Variants in IQCJ observed in about 807,000 individuals in gnomAD.
IQCJ encodes the protein IQ motif containing J, also known as IQ domain-containing protein J.
Under a neutral mutation model 11.0 loss-of-function variants are expected in IQCJ, and 9 were observed. The ratio of observed to expected loss-of-function variants is 0.82; its 90% confidence interval spans 0.49 to 1.43. The LOEUF (loss-of-function observed/expected upper bound fraction) is 1.43. Among genes scored for constraint, IQCJ ranks in the 40% most tolerant of loss-of-function variants. The probability of loss-of-function intolerance (pLI) is 0.00; values close to 1 mark genes in which losing one functional copy is unlikely to be tolerated. For synonymous variants in IQCJ, 55 were observed against 51.3 expected (o/e 1.07, Z -0.31); for missense variants, 146 against 133.2 (o/e 1.10, Z -0.47).
At chr3:159,215,100 G>A (rs1725154933) in intron 1 of IQCJ, among the ~76,000 whole-genome samples, 8 of 152,114 alleles carry the variant, frequency 5.3e-5, no homozygotes, top group Admixed American at 5.2e-4. Context: ...TACACTACTT[G>A]GGAGCCTTCA....
chr3:159,154,974 G>A lies in IQCJ; in HGVS notation c.9+85533G>A, dbSNP rs140226979. Among the ~76,000 whole-genome samples the A allele has an allele frequency of 3.2e-3, 488 of 150,932 alleles. 8 individuals carry two copies. The highest frequency in any genetic ancestry group is 0.01 in the African/African-American group (430 of 41,020). On this transcript the variant is annotated intron_variant, in intron 1 of 3. Transcript: ENST00000397832. ...CTTCACATTTGTATTTCCCACCCCC[G>A]CTTTCATCCTCTCCATCCTTCGCCA... is the stretch of plus-strand genomic sequence containing the variant.
At chr3:159,244,897 G>A (rs1204565325) in intron 1 of IQCJ, among the ~76,000 whole-genome samples, 1 of 152,146 alleles carries the variant, frequency 6.6e-6, no homozygotes, top group Non-Finnish European at 1.5e-5. Flanking sequence ...CTGGTGGGGG[G>A]TAAGTGGTGT....
intron 1 of IQCJ, among the ~76,000 whole-genome samples, chr3:159,238,260 C>T (rs1286889047): frequency 2.0e-5 from 3 of 152,148 alleles, no homozygotes; most frequent in African/African-American, 7.2e-5. Flanking sequence ...CTGCTACCCT[C>T]TGGGCTCATG....
chr3:159,179,479 C>T (rs954505560), intron 1 of IQCJ, among the ~76,000 whole-genome samples: 2 of 152,116 alleles, frequency 1.3e-5, no homozygotes, highest in African/African-American at 2.4e-5. Context: ...ATCTTACCAA[C>T]ATAAGTAGTA....
At chr3:159,129,619 A>G (rs977612626) in intron 1 of IQCJ, among the ~76,000 whole-genome samples, 2 of 152,200 alleles carry the variant, frequency 1.3e-5, no homozygotes, top group Admixed American at 6.5e-5. Context: ...AATGAGAACT[A>G]AAGGGAAATC....
At chr3:159,119,769 C>A (rs565415496) in intron 1 of IQCJ, among the ~76,000 whole-genome samples, 3 of 152,122 alleles carry the variant, frequency 2.0e-5, no homozygotes, top group Non-Finnish European at 4.4e-5. Context: ...CAATACTGAG[C>A]CTCTCCTTTC....
intron 1 of IQCJ, among the ~76,000 whole-genome samples, chr3:159,086,395 T>C (rs1451202604): frequency 6.6e-6 from 1 of 152,208 alleles, no homozygotes; most frequent in African/African-American, 2.4e-5. Context: ...GACTTGGCGA[T>C]GCGTGCTCTT....
At chr3:159,123,251 C>A (rs1719483126) in intron 1 of IQCJ, among the ~76,000 whole-genome samples, 1 of 152,054 alleles carries the variant, frequency 6.6e-6, no homozygotes, top group Non-Finnish European at 1.5e-5. Flanking sequence ...AAAATAACCA[C>A]CTAAAGTCAG....
chr3:159,245,041 C>A (rs2595233), intron 1 of IQCJ, among the ~76,000 whole-genome samples: 115,618 of 152,014 alleles, frequency 0.76, 45,135 homozygotes, highest in African/African-American at 0.92. Flanking sequence ...AGCTGGGCCA[C>A]ATCCTGTCAC....
chr3:159,183,441 G>A (rs1356738809), intron 1 of IQCJ, among the ~76,000 whole-genome samples: 1 of 151,896 alleles, frequency 6.6e-6, no homozygotes, highest in Admixed American at 6.6e-5. Flanking sequence ...GCTCCTTTCT[G>A]TCTATGTGAT....
intron 1 of IQCJ, among the ~76,000 whole-genome samples, chr3:159,116,820 A>G (rs1210630970): frequency 6.6e-6 from 1 of 151,628 alleles, no homozygotes; most frequent in Non-Finnish European, 1.5e-5. Flanking sequence ...CACAAGCACA[A>G]CACTTGGAAA....
chr3:159,187,952 A>G (rs754404738), intron 1 of IQCJ, among the ~76,000 whole-genome samples: 1 of 152,192 alleles, frequency 6.6e-6, no homozygotes, highest in Non-Finnish European at 1.5e-5. Context: ...GCTTAAGCCA[A>G]TGAGAACTCT....
At chr3:159,181,925 C>T (rs1723111649) in intron 1 of IQCJ, among the ~76,000 whole-genome samples, 1 of 151,696 alleles carries the variant, frequency 6.6e-6, no homozygotes, top group Admixed American at 6.6e-5. Context: ...TCAATCATGC[C>T]ATTCCCCTCT....
chr3:159,169,440 C>A (rs1010084066), intron 1 of IQCJ, among the ~76,000 whole-genome samples: 5 of 151,730 alleles, frequency 3.3e-5, no homozygotes, highest in African/African-American at 1.2e-4. Flanking sequence ...CACATGCCAC[C>A]ACACCCAGCT....
intron 1 of IQCJ, among the ~76,000 whole-genome samples, chr3:159,091,039 G>A (rs1285271017): frequency 1.3e-5 from 2 of 151,760 alleles, no homozygotes; most frequent in Non-Finnish European, 2.9e-5. Flanking sequence ...TCAAAATGAT[G>A]TTAATATAAT....
rs375724831 is a variant in IQCJ, at chr3:159,209,453, C to T, written c.10-36390C>T. 6.4e-4 allele frequency among the ~76,000 whole-genome samples: 97 copies of T among 152,252 alleles called. 1 individual carries two copies. Among genetic ancestry groups the T allele is most frequent in the East Asian group, 1.4e-3 (7 of 5,176 alleles). On this transcript the variant is annotated intron_variant, in intron 1 of 3. Coordinates refer to ENST00000397832, the MANE Select transcript of IQCJ (RefSeq NM_001042706.3). Reference sequence around the variant, plus strand: ...TGTGACCTGATTCTTCCTGGACAGACGGATGGCTGAGAAGCTGGAGGAGAA... The same window carrying T: ...TGTGACCTGATTCTTCCTGGACAGATGGATGGCTGAGAAGCTGGAGGAGAA...
At chr3:159,264,099 C>T (rs1440054640), downstream of IQCJ, among the ~76,000 whole-genome samples, 1 of 152,190 alleles carries the variant, frequency 6.6e-6, no homozygotes, top group East Asian at 1.9e-4. Flanking sequence ...ATGATGGAAA[C>T]TCAATATTAG....
intron 1 of IQCJ, among the ~76,000 whole-genome samples, chr3:159,204,719 T>C (rs1476251060): frequency 6.6e-6 from 1 of 152,206 alleles, no homozygotes; most frequent in Non-Finnish European, 1.5e-5. Flanking sequence ...GCCATAATGA[T>C]GGATGAGTCT....
At chr3:159,187,406 C>T (rs1348185698) in intron 1 of IQCJ, among the ~76,000 whole-genome samples, 1 of 152,228 alleles carries the variant, frequency 6.6e-6, no homozygotes. Flanking sequence ...CTAACGCTAC[C>T]TCATTCGACT....
Sources: allele counts gnomAD v4.1 joint callset (sites outside exome capture counted in the v4.1 genomes callset), GRCh38; gene constraint gnomAD v4.1.1; transcripts MANE v1.5; gene names NCBI Gene and HGNC (gene_info 2026-07-23, HGNC 2026-07-21).